Variants in MPRIP observed in about 807,000 individuals in gnomAD.
The protein encoded by MPRIP is myosin phosphatase Rho interacting protein.
Under a neutral mutation model 234.9 loss-of-function variants are expected in MPRIP, and 59 were observed. The ratio of observed to expected loss-of-function variants is 0.25; its 90% CI spans 0.20 to 0.31. The LOEUF is 0.31. Ranked by LOEUF, MPRIP falls within the 10% of genes least tolerant of loss-of-function variation. The probability of loss-of-function intolerance (pLI) is 1.00; values close to 1 mark genes in which losing one functional copy is unlikely to be tolerated. For missense variants in MPRIP, 2,436 were observed against 3,071.0 expected (o/e 0.79, Z 4.89); for synonymous variants, 1,144 against 1,263.9 (o/e 0.91, Z 2.01).
At chr17:17,058,815 C>T (rs1212340305) in intron 1 of MPRIP, among the ~76,000 whole-genome samples, 2 of 152,060 alleles carry the variant, frequency 1.3e-5, no homozygotes, top group Admixed American at 6.5e-5. Flanking sequence ...GAGTAGAAAC[C>T]AGGAGATAGA....
intron 3 of MPRIP, among the ~76,000 whole-genome samples, chr17:17,089,895 C>T (rs1235651427): frequency 1.3e-5 from 2 of 152,156 alleles, no homozygotes; most frequent in Middle Eastern, 3.2e-3. Context: ...GCTTTTGCTC[C>T]GGTTGGGGCA....
chr17:17,096,283 TGCAGG>T (rs370871335), intron 3 of MPRIP, among the ~76,000 whole-genome samples: 1 of 120,716 alleles, frequency 8.3e-6, no homozygotes, highest in Non-Finnish European at 1.7e-5. Flanking sequence ...TGTGTGTGTG[TGCAGG>T]GTGTGTGTGT....
intron 1 of MPRIP, among the ~76,000 whole-genome samples, chr17:17,068,623 C>T (rs373893398): frequency 2.0e-5 from 3 of 152,086 alleles, no homozygotes; most frequent in East Asian, 1.9e-4. Context: ...CTCCGCCTCC[C>T]GGTTTCAGGC....
At chr17:17,046,057 G>A (rs144930351) in intron 1 of MPRIP, among the ~76,000 whole-genome samples, 5,846 of 152,184 alleles carry the variant, frequency 0.038, 331 homozygotes, top group African/African-American at 0.12. Context: ...CGCCTGCCTC[G>A]GCCTCCCAAA....
intron 3 of MPRIP, among the ~76,000 whole-genome samples, chr17:17,097,703 A>G (rs955632270): frequency 1.3e-5 from 2 of 152,200 alleles, no homozygotes; most frequent in African/African-American, 2.4e-5. Context: ...CAGAGGTGCA[A>G]GCATGTTTGA....
rs8079021 is a variant in MPRIP, at chr17:17,138,798, A to G, written c.1250+369A>G. ...AGTGGCATGGAGGCAGGGAGTCCCTAGAGCTACATGTGGTGACAGAGGCGC... is the reference window on the plus strand; with the variant it reads ...AGTGGCATGGAGGCAGGGAGTCCCTGGAGCTACATGTGGTGACAGAGGCGC... On this transcript the variant is annotated intron_variant, in intron 7 of 23. Coordinates refer to ENST00000651222, the MANE Select transcript of MPRIP (RefSeq NM_001364716.4). The surrounding 1 kb of genome is among the most constrained non-coding windows in gnomAD (Gnocchi z 5.8). Among the ~76,000 whole-genome samples, 12,992 of 152,140 alleles carry G rather than the reference A, an allele frequency of 0.085. 1,775 individuals carry two copies. Among genetic ancestry groups the G allele is most frequent in the African/African-American group, 0.29 (12,005 of 41,462 alleles).
Position 17,131,653 on chromosome 17 carries a change from C to T in MPRIP, c.456C>T (p.Asn152=). 1 of 1,614,218 alleles carries T rather than the reference C, an allele frequency of 6.2e-7. No homozygotes were observed. The highest frequency in any genetic ancestry group is 1.3e-5 in the African/African-American group (1 of 75,060). ...TGCTCATGGTCTATCCCCGGACCAACAAGCAGAATCAGAAGAAGAAACGGA... is the reference window on the plus strand; with the variant it reads ...TGCTCATGGTCTATCCCCGGACCAATAAGCAGAATCAGAAGAAGAAACGGA... ...LEMLMVYPRT[N]KQNQKKKRKV... Residue 152 remains asparagine, a synonymous_variant, in exon 5 of 24, where the codon AAC becomes AAT. Coordinates refer to ENST00000651222, the MANE Select transcript of MPRIP (RefSeq NM_001364716.4).
intron 5 of MPRIP, 118 bp downstream of exon 5, chr17:17,131,819 C>T: frequency 1.2e-6 from 1 of 825,662 alleles, no homozygotes. Flanking sequence ...AGGCAGTCAC[C>T]AACTCTGCAC....
At chr17:17,175,736 C>T (rs1183834485) in intron 20 of MPRIP, among the ~76,000 whole-genome samples, 1 of 152,250 alleles carries the variant, frequency 6.6e-6, no homozygotes, top group African/African-American at 2.4e-5. Flanking sequence ...GTGGCTGCTG[C>T]AGCTCAGGTC....
intron 5 of MPRIP, among the ~76,000 whole-genome samples, chr17:17,133,472 C>T (rs1026403841): frequency 6.6e-6 from 1 of 152,176 alleles, no homozygotes; most frequent in Non-Finnish European, 1.5e-5. Context: ...AAGGCATTCT[C>T]ATGGCCTAGG....
At chr17:17,127,887 C>T (rs2090523355) in intron 4 of MPRIP, among the ~76,000 whole-genome samples, 1 of 152,230 alleles carries the variant, frequency 6.6e-6, no homozygotes, top group African/African-American at 2.4e-5. Context: ...CATGGCAAGG[C>T]GTCCAGGAGC....
At chr17:17,061,724 G>A (rs929753461) in intron 1 of MPRIP, among the ~76,000 whole-genome samples, 1 of 152,140 alleles carries the variant, frequency 6.6e-6, no homozygotes, top group Non-Finnish European at 1.5e-5. Flanking sequence ...GGAGTCTGGG[G>A]TGGAGCCTGG....
chr17:17,077,863 C>T, intron 2 of MPRIP, 148 bp from the exon 3 acceptor site: 1 of 736,648 alleles, frequency 1.4e-6, no homozygotes. Flanking sequence ...TGCCTCGGGT[C>T]CCTCTTTTCC....
In MPRIP at chr17:17,191,849, A is replaced by G. The variant is rs1211271217; in HGVS notation, c.*6955A>G. 6.6e-6 allele frequency: 1 copy of G among 152,248 alleles called. No individual in the cohort carries two copies. The highest frequency in any genetic ancestry group is 1.5e-5 in the Non-Finnish European group (1 of 68,040). The allele number at this position is 152,248 out of a possible 1,614,324, so 9.4% of individuals were successfully genotyped here. On this transcript the variant is annotated 3_prime_UTR_variant, in exon 24 of 24. Transcript: ENST00000651222. ...ACAAGCTTCAATTAAAATGGATTTTAAAGGATTTTAGGATTTACCTTTAGT... is the reference window on the plus strand; with the variant it reads ...ACAAGCTTCAATTAAAATGGATTTTGAAGGATTTTAGGATTTACCTTTAGT...
At chr17:17,056,456 A>C (rs1365998603) in intron 1 of MPRIP, among the ~76,000 whole-genome samples, 1 of 152,082 alleles carries the variant, frequency 6.6e-6, no homozygotes, top group Non-Finnish European at 1.5e-5. Context: ...GAGCAGGGGC[A>C]GGGGCCGGGG....
chr17:17,082,536 C>A (rs1159451975), intron 3 of MPRIP, among the ~76,000 whole-genome samples: 1 of 151,994 alleles, frequency 6.6e-6, no homozygotes, highest in Non-Finnish European at 1.5e-5. Context: ...CTCAGGTGAT[C>A]CGCCCGCCTC....
chr17:17,153,130 T>G (rs1025810027), intron 12 of MPRIP, among the ~76,000 whole-genome samples: 3 of 152,014 alleles, frequency 2.0e-5, no homozygotes, highest in African/African-American at 7.2e-5. Flanking sequence ...CACATGGATA[T>G]GAGAACTGAT....
At chr17:17,173,346 C>T (rs1299900217) in intron 18 of MPRIP, among the ~76,000 whole-genome samples, 2 of 152,242 alleles carry the variant, frequency 1.3e-5, no homozygotes, top group African/African-American at 4.8e-5. Flanking sequence ...CTACCAGGAG[C>T]CTTTATAGCA....
At chr17:17,089,805 A>G (rs2089673466) in intron 3 of MPRIP, among the ~76,000 whole-genome samples, 1 of 152,170 alleles carries the variant, frequency 6.6e-6, no homozygotes. Context: ...TTTCAGTGTG[A>G]AGCAGGATCA....
Sources: gnomAD v4.1 joint callset for allele counts (sites outside exome capture counted in the v4.1 genomes callset) on GRCh38, gnomAD v4.1.1 for gene constraint, Gnocchi (gnomAD v3.1) non-coding constraint, MANE v1.5 for transcripts, NCBI Gene and HGNC (gene_info 2026-07-23, HGNC 2026-07-21) for gene names.